The following GSAP variants were observed in gnomAD, a reference collection of about 807,000 sequenced individuals.
GSAP encodes the protein gamma-secretase-activating protein.
A neutral mutation model predicts 131.7 loss-of-function variants in GSAP; 118 were observed. The observed-to-expected ratio is 0.90, with a 90% CI of 0.77 to 1.04. The LOEUF is 1.04. Ranked by LOEUF, GSAP falls within the 50% of genes least tolerant of loss-of-function variation. The pLI, the probability that GSAP is intolerant of heterozygous loss-of-function variation, is 0.00. For missense variants in GSAP, 1,019 were observed against 1,013.2 expected (o/e 1.01, Z -0.08); for synonymous variants, 381 against 363.4 (o/e 1.05, Z -0.55).
chr7:77,389,248 GTA>G (rs906383817), intron 5 of GSAP, among the ~76,000 whole-genome samples: 7 of 150,652 alleles, frequency 4.6e-5, no homozygotes, highest in African/African-American at 7.3e-5. Context: ...ATGTGTGTGT[GTA>G]TATATATATA....
intron 23 of GSAP, among the ~76,000 whole-genome samples, chr7:77,325,725 C>T (rs1291036878): frequency 6.6e-6 from 1 of 152,190 alleles, no homozygotes; most frequent in Non-Finnish European, 1.5e-5. Flanking sequence ...TGTGCACCAT[C>T]ATGCCCAGCT....
rs767520110 is a variant in GSAP, at chr7:77,355,264, C to T, written c.1287G>A (p.Ala429=). 1.3e-5 allele frequency: 21 copies of T among 1,614,054 alleles called. No individual in the cohort carries two copies. The highest frequency in any genetic ancestry group is 6.7e-5 in the East Asian group (3 of 44,882). The change falls in exon 16 of 31, where the codon GCG becomes GCA. Residue 429 remains alanine (A), a synonymous_variant. Transcript: ENST00000257626. ...NTCLDCEKMA[A]LHCALYCGQG... ...GACCGCAGTAGAGCGCGCAGTGCAA[C>T]GCAGCCATCTTCTCACAGTCTAAGC...
intron 19 of GSAP, among the ~76,000 whole-genome samples, chr7:77,340,652 A>C (rs1790773711): frequency 6.6e-6 from 1 of 152,214 alleles, no homozygotes; most frequent in Non-Finnish European, 1.5e-5. Flanking sequence ...CTCCGGCGCC[A>C]GTCACAGACT....
chr7:77,324,328 T>C (rs1411629217), intron 23 of GSAP, among the ~76,000 whole-genome samples: 1 of 152,200 alleles, frequency 6.6e-6, no homozygotes, highest in African/African-American at 2.4e-5. Context: ...TTGATCATCC[T>C]TGGGCCTCCC....
chr7:77,374,809 C>T (rs893066702), intron 11 of GSAP, among the ~76,000 whole-genome samples: 2 of 152,032 alleles, frequency 1.3e-5, no homozygotes, highest in African/African-American at 2.4e-5. Flanking sequence ...TATCCTTATA[C>T]CAAAATAAAT....
intron 20 of GSAP, 126 bp downstream of exon 20, chr7:77,330,113 T>C: frequency 3.5e-6 from 4 of 1,126,792 alleles, no homozygotes; most frequent in Non-Finnish European, 4.9e-6. Context: ...GTAATGACAA[T>C]GATCAAGTCC....
rs1237416753 is a variant in GSAP, at chr7:77,314,375, A to T, written c.2204T>A (p.Met735Lys). ...LLTETAVIRL[M>K]KDLDNTEKNE... ...GCAAACTCAGGGCTTCTTACCTTTC[A>T]TGAGCCTTATGACAGCTGTTTCAGT... Residue 735 changes from methionine to lysine, a missense_variant, in exon 27 of 31, where the codon ATG (methionine) becomes AAG (lysine). By Grantham distance (95) the Met-to-Lys change is moderately conservative. Transcript: ENST00000257626. The T allele has an allele frequency of 1.9e-6, 3 of 1,613,488 alleles. No individual in the cohort carries two copies. Among genetic ancestry groups the T allele is most frequent in the Non-Finnish European group, 2.5e-6 (3 of 1,179,732 alleles).
chr7:77,352,425 C>T (rs1290849447), intron 18 of GSAP, among the ~76,000 whole-genome samples: 2 of 152,154 alleles, frequency 1.3e-5, no homozygotes, highest in African/African-American at 2.4e-5. Context: ...TCAGCACATC[C>T]TAATTTAAAA....
At chr7:77,312,295 C>T (rs1208584945) in intron 28 of GSAP, 93 bp from the exon 29 acceptor site, 1 of 634,280 alleles carries the variant, frequency 1.6e-6, no homozygotes, top group East Asian at 2.8e-5. Flanking sequence ...AAGTATTATT[C>T]CAAAGTAGCT....
Position 77,355,427 on chromosome 7 carries a change from T to C in GSAP, c.1124A>G (p.Asn375Ser). 6.5e-7 allele frequency: 1 copy of C among 1,545,924 alleles called. No individual in the cohort carries two copies. The highest frequency in any genetic ancestry group is 8.7e-7 in the Non-Finnish European group (1 of 1,146,412). Reference protein sequence around the residue: ...LICHNLFLTGNNEMIDMLPHC... With the variant: ...LICHNLFLTGSNEMIDMLPHC... ...AGGTAGCATATCAATCATTTCATTATTTCCTGGCAAAAAAAAAAAAAACAG... is the reference window on the plus strand; with the variant it reads ...AGGTAGCATATCAATCATTTCATTACTTCCTGGCAAAAAAAAAAAAAACAG... The change falls in exon 16 of 31, where the codon AAT (asparagine) becomes AGT (serine). Residue 375 changes from asparagine to serine, a missense_variant. By Grantham distance (46) the Asn-to-Ser change is conservative. Coordinates refer to ENST00000257626, the MANE Select transcript of GSAP (RefSeq NM_017439.4).
intron 1 of GSAP, among the ~76,000 whole-genome samples, chr7:77,408,783 T>C (rs1476386103): frequency 6.6e-6 from 1 of 152,070 alleles, no homozygotes; most frequent in East Asian, 1.9e-4. Context: ...TTAATTACAT[T>C]GATTATGACA....
chr7:77,404,830 G>C (rs1472442614), intron 2 of GSAP, among the ~76,000 whole-genome samples: 2 of 138,206 alleles, frequency 1.4e-5, no homozygotes, highest in Non-Finnish European at 3.2e-5. Context: ...GTGAGTTTGG[G>C]GAACTGTCTA....
chr7:77,370,062 G>A (rs1320718504), intron 12 of GSAP, among the ~76,000 whole-genome samples: 1 of 152,044 alleles, frequency 6.6e-6, no homozygotes, highest in Non-Finnish European at 1.5e-5. Flanking sequence ...ATAACTTACA[G>A]CTAGTAATGG....
chr7:77,375,227 T>C (rs1026115051), intron 10 of GSAP, 126 bp from the exon 11 acceptor site: 18 of 576,246 alleles, frequency 3.1e-5, no homozygotes, highest in African/African-American at 5.8e-5. Flanking sequence ...TTAACCATCA[T>C]TGTCTTCAGA....
intron 14 of GSAP, among the ~76,000 whole-genome samples, chr7:77,360,365 G>C (rs183948903): frequency 6.6e-6 from 1 of 152,200 alleles, no homozygotes; most frequent in African/African-American, 2.4e-5. Context: ...AACAACTCAA[G>C]CTGATCCATA....
chr7:77,392,533 G>C (rs1485202052), intron 5 of GSAP, among the ~76,000 whole-genome samples: 1 of 152,154 alleles, frequency 6.6e-6, no homozygotes, highest in African/African-American at 2.4e-5. Context: ...GGGTGACAGA[G>C]CAAGGCACTG....
intron 18 of GSAP, among the ~76,000 whole-genome samples, chr7:77,350,033 A>G (rs1792549261): frequency 6.6e-6 from 1 of 152,066 alleles, no homozygotes; most frequent in African/African-American, 2.4e-5. Flanking sequence ...ATGTCCAACA[A>G]TGATAGACTG....
At chr7:77,409,677 T>A in intron 1 of GSAP, among the ~76,000 whole-genome samples, 1 of 152,232 alleles carries the variant, frequency 6.6e-6, no homozygotes, top group East Asian at 1.9e-4. Flanking sequence ...AGAAGTATTT[T>A]TTTTCTTTCA....
chr7:77,314,724 T>C (rs1794785221), intron 26 of GSAP: 1 of 411,550 alleles, frequency 2.4e-6, no homozygotes. Flanking sequence ...TTGGGTCTCT[T>C]CCTGCACAGA....
Sources: allele counts gnomAD v4.1 joint callset (sites outside exome capture counted in the v4.1 genomes callset), GRCh38; gene constraint gnomAD v4.1.1; transcripts MANE v1.5; gene names NCBI Gene and HGNC (gene_info 2026-07-23, HGNC 2026-07-21).